BANP: variants seen among roughly 807,000 people sequenced by gnomAD.
BANP encodes the protein protein BANP.
A neutral mutation model predicts 68.1 loss-of-function variants in BANP; 11 were observed. That is an observed-to-expected ratio of 0.16 (90% CI 0.10 to 0.27). The LOEUF is 0.27. BANP is among the 10% of genes least tolerant of loss of function. BANP has a pLI of 1.00. For synonymous variants in BANP, 329 were observed against 303.2 expected, an observed-to-expected ratio of 1.09 and a Z score of -0.88; for missense variants, 504 against 722.7, an observed-to-expected ratio of 0.70 and a Z score of 3.47.
Position 88,057,386 on chromosome 16 carries a change from T to TG in BANP, c.1312-7880dup, listed in dbSNP as rs1172488648. ...CGAAAGGAAACCTGGGCGTTACTGCTGCACCAGGATTCCTGGCCTCCAGAG... is the reference window on the plus strand; with the variant it reads ...CGAAAGGAAACCTGGGCGTTACTGCTGGCACCAGGATTCCTGGCCTCCAGAG... On this transcript the variant is annotated intron_variant, in intron 11 of 13. Transcript: ENST00000682872. The surrounding 1 kb of genome is among the most constrained non-coding windows in gnomAD (Gnocchi z 4.6). Among the ~76,000 whole-genome samples the TG allele has an allele frequency of 6.6e-6, 1 of 152,176 alleles. No homozygotes were observed. Among genetic ancestry groups the TG allele is most frequent in the Non-Finnish European group, 1.5e-5 (1 of 68,024 alleles).
Position 87,980,928 on chromosome 16 carries a change from G to A in BANP, c.71-108G>A, listed in dbSNP as rs1398774305. ...GGTGAAATATGAGATAGGTTCTGCTGTTTCTCCTTCAACCTTAAGGTGTCA... is the reference window on the plus strand; with the variant it reads ...GGTGAAATATGAGATAGGTTCTGCTATTTCTCCTTCAACCTTAAGGTGTCA... On this transcript the variant is annotated intron_variant, in intron 2 of 13. Transcript: ENST00000682872. 4.1e-6 allele frequency: 3 copies of A among 732,262 alleles called. No homozygotes were observed. In the African/African-American group the frequency reaches 5.3e-5, roughly 13 times the overall value. The allele number at this position is 732,262 out of a possible 1,614,324, so 45.4% of individuals were successfully genotyped here.
At chr16:88,059,566 A>C (rs547490631) in intron 11 of BANP, among the ~76,000 whole-genome samples, 1 of 152,008 alleles carries the variant, frequency 6.6e-6, no homozygotes, top group Non-Finnish European at 1.5e-5. Flanking sequence ...CCCCATCCCC[A>C]TACCATCTTC....
chr16:88,074,164 C>T (rs1290045501), intron 13 of BANP, among the ~76,000 whole-genome samples: 2 of 152,194 alleles, frequency 1.3e-5, no homozygotes, highest in East Asian at 1.9e-4. Flanking sequence ...CGTGACTGCA[C>T]CCAACAGAGA....
intron 3 of BANP, among the ~76,000 whole-genome samples, chr16:87,981,950 A>G (rs2063357126): frequency 6.6e-6 from 1 of 152,250 alleles, no homozygotes; most frequent in African/African-American, 2.4e-5. Context: ...TATGAGAGCA[A>G]CACAAAACCA....
In BANP at chr16:88,037,839, G is replaced by T. The variant is rs2079740757; in HGVS notation, c.1273-134G>T. 10 of 806,628 alleles carry T rather than the reference G, an allele frequency of 1.2e-5. No individual in the cohort carries two copies. The South Asian group carries it at 1.3e-4, about 11-fold the overall frequency. 50.0% of individuals were successfully genotyped at this position (806,628 alleles called of 1,614,324 possible). A position where few individuals can be genotyped will look rare whatever the true frequency, so the allele number is the denominator to read the frequency against. On this transcript the variant is annotated intron_variant, in intron 10 of 13. Transcript: ENST00000682872. ...TTTGGGGCTTTTGTTGCTACTGGAG[G>T]TTGAATTTTTGCAGAACTGGGGTTT...
At chr16:88,032,630 G>A (rs1414507329) in intron 8 of BANP, among the ~76,000 whole-genome samples, 2 of 152,208 alleles carry the variant, frequency 1.3e-5, no homozygotes, top group Non-Finnish European at 2.9e-5. Context: ...AGAAAATTAT[G>A]ATTGAGACAT....
chr16:87,998,759 C>A (rs1347686387), intron 4 of BANP, among the ~76,000 whole-genome samples: 1 of 140,540 alleles, frequency 7.1e-6, no homozygotes, highest in African/African-American at 2.7e-5. Flanking sequence ...TTTCCAGACA[C>A]CCAGACACGT....
Position 88,004,507 on chromosome 16 carries a change from A to C in BANP, c.479+96A>C. On this transcript the variant is annotated intron_variant, in intron 5 of 13. Transcript: ENST00000682872. The surrounding 1 kb of genome is among the most constrained non-coding windows in gnomAD (Gnocchi z 7.0). ...CCTAAGCCAGGGCACAGTCCAGCAC[A>C]CGCTTCATCTCTGTGGTCACAGGGT... is the stretch of plus-strand genomic sequence containing the variant. 1 of 679,720 alleles carries C rather than the reference A, an allele frequency of 1.5e-6. No individual in the cohort carries two copies. Among genetic ancestry groups the C allele is most frequent in the South Asian group, 2.0e-5 (1 of 48,842 alleles). The allele number at this position is 679,720 out of a possible 1,614,324, so 42.1% of individuals were successfully genotyped here. A position where few individuals can be genotyped will look rare whatever the true frequency, so the allele number is the denominator to read the frequency against.
At chr16:88,008,052 C>T (rs992697907) in intron 6 of BANP, among the ~76,000 whole-genome samples, 15 of 152,298 alleles carry the variant, frequency 9.8e-5, no homozygotes, top group East Asian at 3.9e-4. Flanking sequence ...CCTCCAGCCC[C>T]GGCACCCAGC....
In BANP at chr16:88,072,118, C is replaced by T. The variant is rs577190967; in HGVS notation, c.1427C>T (p.Ala476Val). Reference sequence around the variant, plus strand: ...GCCGTGGCCTCCTCGGACCCCGCGGCGGCGGGCGTGGATGGGTCGCCACTC... The same window carrying T: ...GCCGTGGCCTCCTCGGACCCCGCGGTGGCGGGCGTGGATGGGTCGCCACTC... ...LIAVASSDPA[A>V]AGVDGSPLQG... The change falls in exon 13 of 14, where the codon GCG becomes GTG. Residue 476 changes from alanine to valine, a missense_variant. This residue lies in a region of BANP where 223 missense variants were observed against 246.2 expected (regional missense o/e 0.91). Transcript: ENST00000682872. 6.5e-5 allele frequency: 105 copies of T among 1,606,688 alleles called. No homozygotes were observed. The highest frequency in any genetic ancestry group is 2.7e-4 in the East Asian group (12 of 44,570).
chr16:88,054,031 A>G (rs1252648245), intron 11 of BANP, among the ~76,000 whole-genome samples: 2 of 89,240 alleles, frequency 2.2e-5, no homozygotes, highest in Non-Finnish European at 6.0e-5. Flanking sequence ...CACCACCTCT[A>G]CCACTGTCAT....
intron 11 of BANP, among the ~76,000 whole-genome samples, chr16:88,059,266 A>C (rs1598984230): frequency 6.7e-6 from 1 of 148,890 alleles, no homozygotes; most frequent in East Asian, 2.0e-4. Flanking sequence ...GGGCGGGCGG[A>C]GGTGTGTGAA....
rs1367482511 is a variant in BANP, at chr16:88,018,331, C to T, written c.656-97C>T. The T allele has an allele frequency of 2.1e-5, 30 of 1,451,362 alleles. No individual in the cohort carries two copies. Among genetic ancestry groups the T allele is most frequent in the Admixed American group, 5.7e-5 (3 of 52,404 alleles). 89.9% of individuals were successfully genotyped at this position (1,451,362 alleles called of 1,614,324 possible). A position where few individuals can be genotyped will look rare whatever the true frequency, so the allele number is the denominator to read the frequency against. Reference sequence around the variant, plus strand: ...GGGATTTGCCCAGCCCTGCGTGGAGCATCTTTCCCGACTGTGCCTGAGCAG... The same window carrying T: ...GGGATTTGCCCAGCCCTGCGTGGAGTATCTTTCCCGACTGTGCCTGAGCAG... On this transcript the variant is annotated intron_variant, in intron 6 of 13. Transcript: ENST00000682872. This position sits in a 1 kb window ranked among gnomAD's most constrained non-coding sequence, Gnocchi z 7.7.
chr16:87,995,811 C>A (rs2067027915), intron 4 of BANP, among the ~76,000 whole-genome samples: 1 of 152,246 alleles, frequency 6.6e-6, no homozygotes, highest in South Asian at 2.1e-4. Context: ...GGGTCAAGAT[C>A]TTGGGCTCGG....
intron 1 of BANP, among the ~76,000 whole-genome samples, chr16:87,960,599 A>C (rs1462888005): frequency 6.6e-6 from 1 of 152,222 alleles, no homozygotes; most frequent in Non-Finnish European, 1.5e-5. Context: ...GACGCATGAC[A>C]GCAGTTCATG....
At chr16:88,046,697 G>A (rs1188056841) in intron 11 of BANP, among the ~76,000 whole-genome samples, 13 of 151,498 alleles carry the variant, frequency 8.6e-5, no homozygotes, top group Non-Finnish European at 1.9e-4. Context: ...ATAGGCACCC[G>A]CCACCGCACC....
At chr16:88,027,755 C>T (rs1403574627) in intron 8 of BANP, 105 bp downstream of exon 8, 2 of 1,382,788 alleles carry the variant, frequency 1.4e-6, no homozygotes, top group Non-Finnish European at 2.0e-6. Flanking sequence ...CCACCAGTGG[C>T]CGGGAGCCGA....
intron 2 of BANP, among the ~76,000 whole-genome samples, chr16:87,980,329 C>T (rs2063008975): frequency 6.6e-6 from 1 of 152,138 alleles, no homozygotes; most frequent in African/African-American, 2.4e-5. Context: ...GCAATTGTGG[C>T]CGATTTTGGT....
chr16:88,051,371 G>A (rs2083239692), intron 11 of BANP, among the ~76,000 whole-genome samples: 1 of 152,250 alleles, frequency 6.6e-6, no homozygotes, highest in Non-Finnish European at 1.5e-5. Context: ...CCCTGCATGT[G>A]TAGATGTGGA....
Sources: gnomAD v4.1 joint callset for allele counts (sites outside exome capture counted in the v4.1 genomes callset) on GRCh38, gnomAD v4.1.1 for gene constraint, gnomAD v4.1.1 regional missense constraint, Gnocchi (gnomAD v3.1) non-coding constraint, MANE v1.5 for transcripts, NCBI Gene and HGNC (gene_info 2026-07-23, HGNC 2026-07-21) for gene names.